The following PCDHA1 variants were observed in gnomAD, a reference collection of about 807,000 sequenced individuals.
The protein encoded by PCDHA1 is protocadherin alpha-1.
A neutral mutation model predicts 61.3 loss-of-function variants in PCDHA1; 42 were observed. The observed-to-expected ratio is 0.69, with a 90% CI of 0.54 to 0.89. The LOEUF is 0.89. Ranked by LOEUF, PCDHA1 falls within the 40% of genes least tolerant of loss-of-function variation. The pLI is 0.00. For synonymous variants in PCDHA1, 610 were observed against 553.8 expected (o/e 1.10, Z -1.43); for missense variants, 1,256 against 1,235.3 (o/e 1.02, Z -0.25).
intron 1 of PCDHA1, among the ~76,000 whole-genome samples, chr5:140,939,059 T>C (rs2092309221): frequency 6.6e-6 from 1 of 152,234 alleles, no homozygotes; most frequent in Non-Finnish European, 1.5e-5. Flanking sequence ...TTTGGGCTGC[T>C]ATATCAAAAT....
At chr5:140,807,452 C>A in intron 1 of PCDHA1, 1 of 1,607,216 alleles carries the variant, frequency 6.2e-7, no homozygotes, top group South Asian at 1.1e-5. Flanking sequence ...TGTGAATTCT[C>A]GGATCGACCG....
intron 1 of PCDHA1, chr5:140,883,589 G>C (rs782300348): frequency 6.2e-7 from 1 of 1,614,014 alleles, no homozygotes; most frequent in Non-Finnish European, 8.5e-7. Context: ...CACGGCCAGC[G>C]TGTCGGTGGG....
chr5:140,807,771 T>C lies in PCDHA1; in HGVS notation c.2394+19087T>C, dbSNP rs782033818. 6.2e-6 allele frequency: 10 copies of C among 1,614,170 alleles called. No individual in the cohort carries two copies. The South Asian group carries it at 9.9e-5, about 16-fold the overall frequency. On this transcript the variant is annotated intron_variant, in intron 1 of 3. Coordinates refer to ENST00000504120, the MANE Select transcript of PCDHA1 (RefSeq NM_018900.4). ...GAGCTGGTAAAAGGTCTTGGGCTTA[T>C]ATTACGGAAATCTTTAGACAGAGAA...
chr5:140,795,411 T>C, intron 1 of PCDHA1: 1 of 1,614,206 alleles, frequency 6.2e-7, no homozygotes, highest in Non-Finnish European at 8.5e-7. Flanking sequence ...GGCTGCTTGA[T>C]TCTCGGTTTC....
At chr5:140,839,867 G>A (rs996407179) in intron 1 of PCDHA1, among the ~76,000 whole-genome samples, 1 of 151,988 alleles carries the variant, frequency 6.6e-6, no homozygotes, top group Non-Finnish European at 1.5e-5. Flanking sequence ...GGTGGACTTT[G>A]AAAGATGAAT....
At position 140,788,698 on chromosome 5, in the gene PCDHA1, T is replaced by G; in HGVS notation, c.2394+14T>G. 6.5e-7 allele frequency: 1 copy of G among 1,530,136 alleles called. No individual in the cohort carries two copies. 94.8% of individuals were successfully genotyped at this position (1,530,136 alleles called of 1,614,324 possible). The stretch of plus-strand genomic sequence containing the variant: ...CTTTCTGGTAATGTAAGTCCAACTT[T>G]CGAGTTTTGGCTTTAAATATTTTTC... On this transcript the variant is annotated intron_variant, in intron 1 of 3. Coordinates refer to ENST00000504120, the MANE Select transcript of PCDHA1 (RefSeq NM_018900.4).
intron 1 of PCDHA1, chr5:140,852,034 GT>G: frequency 1.1e-6 from 1 of 935,708 alleles, no homozygotes; most frequent in Non-Finnish European, 1.3e-6. Flanking sequence ...CGCTTATTGA[GT>G]TTTTGTTATG....
chr5:140,905,334 C>A (rs2071752505), intron 1 of PCDHA1, among the ~76,000 whole-genome samples: 1 of 152,144 alleles, frequency 6.6e-6, no homozygotes, highest in East Asian at 1.9e-4. Context: ...TGTTGAAGAT[C>A]AGTTGGCTGT....
At chr5:140,973,375 C>A (rs2096584404) in intron 1 of PCDHA1, among the ~76,000 whole-genome samples, 1 of 152,182 alleles carries the variant, frequency 6.6e-6, no homozygotes, top group Admixed American at 6.5e-5. Context: ...GCACAATGGT[C>A]AGAATAGACA....
In PCDHA1 at chr5:140,788,687, A is replaced by G. The variant is rs782093169; in HGVS notation, c.2394+3A>G. On this transcript the variant is annotated splice_donor_region_variant and intron_variant, in intron 1 of 3. Coordinates refer to ENST00000504120, the MANE Select transcript of PCDHA1 (RefSeq NM_018900.4). ...CAAATTTGGATCTTTCTGGTAATGT[A>G]AGTCCAACTTTCGAGTTTTGGCTTT... 4 of 1,543,820 alleles carry G rather than the reference A, an allele frequency of 2.6e-6. No individual in the cohort carries two copies. The highest frequency in any genetic ancestry group is 3.5e-6 in the Non-Finnish European group (4 of 1,145,230).
chr5:140,797,176 A>G (rs532139420), intron 1 of PCDHA1: 1 of 1,614,082 alleles, frequency 6.2e-7, no homozygotes, highest in Non-Finnish European at 8.5e-7. Flanking sequence ...AGGAAAGCCC[A>G]CGCTGGTGTG....
rs147047116 is a variant in PCDHA1, at chr5:140,937,713, C to T, written c.2395-41236C>T. Among the ~76,000 whole-genome samples the T allele has an allele frequency of 7.0e-4, 107 of 151,998 alleles. No homozygotes were observed. The East Asian group carries it at 0.02, about 28-fold the overall frequency. On this transcript the variant is annotated intron_variant, in intron 1 of 3. Transcript: ENST00000504120. The stretch of plus-strand genomic sequence containing the variant: ...GGATCACGAGGTCAGGAGATCAAGA[C>T]CATCCTGGCTAACACGGTGAAACCC...
Position 140,849,718 on chromosome 5 carries a change from T to C in PCDHA1, c.2394+61034T>C, listed in dbSNP as rs2150446533. The C allele has an allele frequency of 2.5e-6, 4 of 1,598,570 alleles. 1 individual carries two copies. Among genetic ancestry groups the C allele is most frequent in the Non-Finnish European group, 3.4e-6 (4 of 1,168,006 alleles). On this transcript the variant is annotated intron_variant, in intron 1 of 3. Coordinates refer to ENST00000504120, the MANE Select transcript of PCDHA1 (RefSeq NM_018900.4). Reference sequence around the variant, plus strand: ...ACCTACAAGAATTACTACTCGTTGGTGCTGGACAGAGCTCTGGACCGCGAG... The same window carrying C: ...ACCTACAAGAATTACTACTCGTTGGCGCTGGACAGAGCTCTGGACCGCGAG...
At chr5:140,843,596 T>A in intron 1 of PCDHA1, 1 of 1,596,026 alleles carries the variant, frequency 6.3e-7, no homozygotes, top group Non-Finnish European at 8.6e-7. Flanking sequence ...GCAGAGGGTG[T>A]GCTCTGGTGA....
chr5:140,787,736 G>A lies in PCDHA1; in HGVS notation c.1446G>A (p.Ala482=), dbSNP rs1428091500. The change falls in exon 1 of 4, where the codon GCG becomes GCA. Residue 482 remains alanine, a synonymous_variant. Coordinates refer to ENST00000504120, the MANE Select transcript of PCDHA1 (RefSeq NM_018900.4). The stretch of plus-strand genomic sequence containing the variant: ...TCTTCACGGTGTCTGCGCGGGACGC[G>A]GACGCGCAGGAGAACGCGCTGGTGT... ...CHIFTVSARD[A]DAQENALVSY... 1.2e-6 allele frequency: 2 copies of A among 1,613,438 alleles called. No individual in the cohort carries two copies. The highest frequency in any genetic ancestry group is 1.3e-5 in the African/African-American group (1 of 74,918).
At chr5:141,008,905 A>G (rs1212655574) in intron 3 of PCDHA1, among the ~76,000 whole-genome samples, 2 of 152,256 alleles carry the variant, frequency 1.3e-5, no homozygotes, top group African/African-American at 4.8e-5. Flanking sequence ...TAAAATTAAG[A>G]TCAAATAATT....
At chr5:140,790,677 T>C (rs1467682642) in intron 1 of PCDHA1, among the ~76,000 whole-genome samples, 1 of 152,256 alleles carries the variant, frequency 6.6e-6, no homozygotes, top group Non-Finnish European at 1.5e-5. Context: ...TAATTTCTCT[T>C]TCCAATTCAC....
intron 1 of PCDHA1, among the ~76,000 whole-genome samples, chr5:140,890,993 AT>A (rs2062889744): frequency 6.6e-6 from 1 of 152,134 alleles, no homozygotes; most frequent in Non-Finnish European, 1.5e-5. Flanking sequence ...TTATTTCATC[AT>A]AATTATTGAA....
chr5:140,929,085 G>A, intron 1 of PCDHA1: 1 of 1,614,174 alleles, frequency 6.2e-7, no homozygotes, highest in Non-Finnish European at 8.5e-7. Flanking sequence ...GAAGTAAGAT[G>A]GTTTCAAATC....
Sources: allele counts gnomAD v4.1 joint callset (sites outside exome capture counted in the v4.1 genomes callset), GRCh38; gene constraint gnomAD v4.1.1; transcripts MANE v1.5; gene names NCBI Gene and HGNC (gene_info 2026-07-23, HGNC 2026-07-21).